The following FGGY variants were observed in gnomAD, a reference collection of about 807,000 sequenced individuals.
The protein encoded by FGGY is FGGY carbohydrate kinase domain-containing protein.
Under a neutral mutation model 71.3 loss-of-function variants are expected in FGGY, and 72 were observed. That is an observed-to-expected ratio of 1.01 (90% CI 0.84 to 1.23). The LOEUF (loss-of-function observed/expected upper bound fraction) is 1.23. FGGY is among the 50% of genes most tolerant of loss of function. The pLI, the probability that FGGY is intolerant of heterozygous loss-of-function variation, is 0.00. For missense variants in FGGY, 668 were observed against 682.3 expected, an observed-to-expected ratio of 0.98 and a Z score of 0.23; for synonymous variants, 251 against 250.3, an observed-to-expected ratio of 1.00 and a Z score of -0.02.
At chr1:59,467,525 C>A (rs981474767) in intron 6 of FGGY, among the ~76,000 whole-genome samples, 1 of 151,764 alleles carries the variant, frequency 6.6e-6, no homozygotes, top group Non-Finnish European at 1.5e-5. Context: ...ACCTATTATA[C>A]TTTTCCCTTC....
intron 8 of FGGY, among the ~76,000 whole-genome samples, chr1:59,583,837 C>A (rs754136146): frequency 1.4e-5 from 2 of 142,096 alleles, no homozygotes; most frequent in Non-Finnish European, 3.0e-5. Flanking sequence ...CAACTGGAGA[C>A]CCTCAAGATG....
At chr1:59,586,194 T>A (rs2096282990) in intron 8 of FGGY, among the ~76,000 whole-genome samples, 1 of 152,162 alleles carries the variant, frequency 6.6e-6, no homozygotes, top group Non-Finnish European at 1.5e-5. Context: ...CATGCTACTA[T>A]AAAGACACAT....
intron 2 of FGGY, chr1:59,331,892 C>T (rs1049384302): frequency 6.6e-6 from 1 of 152,358 alleles, no homozygotes; most frequent in Admixed American, 6.5e-5. Flanking sequence ...CCTCGCACGC[C>T]CCCAAAGCTG....
chr1:59,747,328 C>T (rs772449175), intron 14 of FGGY, among the ~76,000 whole-genome samples: 2 of 152,210 alleles, frequency 1.3e-5, no homozygotes, highest in Non-Finnish European at 2.9e-5. Context: ...ATTAGGACCC[C>T]ATCTCAGAGT....
chr1:59,673,757 A>T lies in FGGY; in HGVS notation c.1418-282A>T, dbSNP rs879693811. ...GAACTTGAATCAAATGGCAGGTAGC[A>T]GCTTGCAGAAGCCTGAAAAACCTGG... On this transcript the variant is annotated intron_variant, in intron 13 of 15. Coordinates refer to ENST00000303721, the MANE Select transcript of FGGY (RefSeq NM_018291.5). The T allele has an allele frequency of 2.0e-4, 69 of 346,066 alleles. 2 individuals are homozygous for T. The East Asian group carries it at 2.5e-3, about 12-fold the overall frequency. The allele number at this position is 346,066 out of a possible 1,614,324, so 21.4% of individuals were successfully genotyped here. A position where few individuals can be genotyped will look rare whatever the true frequency, so the allele number is the denominator to read the frequency against.
rs1386545265 is a variant in FGGY at position 59,674,103 on chromosome 1, C to T, written c.1482C>T (p.Ala494=). The T allele has an allele frequency of 6.8e-6, 11 of 1,613,976 alleles. No homozygotes were observed. In the South Asian group the frequency reaches 8.8e-5, roughly 13 times the overall value. Residue 494 remains alanine (A), a synonymous_variant, in exon 14 of 16, where the codon GCC becomes GCT. Coordinates refer to ENST00000303721, the MANE Select transcript of FGGY (RefSeq NM_018291.5). ...SVLVGAAVLG[A]CASGDFASVQ... ...TTGTGGGTGCTGCTGTTCTGGGTGCCTGTGCCTCAGGGGATTTCGCTTCTG... is the reference window on the plus strand; with the variant it reads ...TTGTGGGTGCTGCTGTTCTGGGTGCTTGTGCCTCAGGGGATTTCGCTTCTG...
chr1:59,696,986 C>T (rs2097665468), intron 14 of FGGY, among the ~76,000 whole-genome samples: 1 of 57,738 alleles, frequency 1.7e-5, no homozygotes, highest in African/African-American at 4.9e-5. Flanking sequence ...TGTAAAATTA[C>T]ATGAAAAAAA....
intron 7 of FGGY, among the ~76,000 whole-genome samples, chr1:59,546,368 T>C (rs1032255456): frequency 8.0e-6 from 1 of 125,738 alleles, no homozygotes; most frequent in Non-Finnish European, 1.6e-5. Context: ...AATGTCTGTT[T>C]ACATCTCATG....
intron 14 of FGGY, among the ~76,000 whole-genome samples, chr1:59,688,990 T>C (rs544919918): frequency 4.5e-4 from 69 of 152,270 alleles, no homozygotes; most frequent in African/African-American, 1.5e-3. Context: ...CCTCAGGTGA[T>C]CTGCCCACCT....
intron 7 of FGGY, among the ~76,000 whole-genome samples, chr1:59,546,592 C>T (rs1355228246): frequency 2.6e-5 from 4 of 151,854 alleles, no homozygotes; most frequent in South Asian, 2.1e-4. Flanking sequence ...TGCAATGGCG[C>T]GATCTCGGCT....
chr1:59,610,901 A>G (rs1285467587), intron 9 of FGGY, among the ~76,000 whole-genome samples: 1 of 152,244 alleles, frequency 6.6e-6, no homozygotes, highest in Non-Finnish European at 1.5e-5. Context: ...ACGCCCACAG[A>G]GCCTTGCTCA....
chr1:59,590,389 A>C (rs1474265866), intron 8 of FGGY, among the ~76,000 whole-genome samples: 1 of 152,224 alleles, frequency 6.6e-6, no homozygotes, highest in African/African-American at 2.4e-5. Context: ...TTCCTTCTGA[A>C]ACTATTCCAA....
chr1:59,737,300 C>T (rs549186050), intron 14 of FGGY, among the ~76,000 whole-genome samples: 14 of 152,288 alleles, frequency 9.2e-5, no homozygotes, highest in Admixed American at 2.0e-4. Flanking sequence ...ACTGGGGCAC[C>T]GTCTAGTGGA....
intron 2 of FGGY, among the ~76,000 whole-genome samples, chr1:59,326,133 G>T (rs145403692): frequency 5.9e-5 from 9 of 152,350 alleles, no homozygotes; most frequent in African/African-American, 2.2e-4. Context: ...ACAGGTGTTT[G>T]TTGAGTATCA....
chr1:59,308,389 A>G (rs563403798), intron 1 of FGGY, among the ~76,000 whole-genome samples: 3 of 152,198 alleles, frequency 2.0e-5, no homozygotes. Context: ...CTTCCTTCCT[A>G]TTACTGTAAT....
At chr1:59,566,270 T>G (rs1243432334) in intron 8 of FGGY, among the ~76,000 whole-genome samples, 1 of 152,194 alleles carries the variant, frequency 6.6e-6, no homozygotes, top group African/African-American at 2.4e-5. Context: ...AGTGCCTGCA[T>G]GCATGAGCTC....
intron 3 of FGGY, among the ~76,000 whole-genome samples, chr1:59,342,673 T>G (rs759575720): frequency 2.0e-5 from 3 of 152,128 alleles, no homozygotes; most frequent in Non-Finnish European, 4.4e-5. Context: ...CTTTAGAGAC[T>G]CCTACCTGCA....
chr1:59,546,535 G>GATTATT (rs747576612), intron 7 of FGGY, among the ~76,000 whole-genome samples: 38 of 129,336 alleles, frequency 2.9e-4, no homozygotes, highest in East Asian at 7.6e-4. Context: ...TGATGATGAT[G>GATTATT]ATTATTATTA....
chr1:59,507,165 AG>A (rs1414645311), intron 6 of FGGY, among the ~76,000 whole-genome samples: 1 of 152,238 alleles, frequency 6.6e-6, no homozygotes, highest in East Asian at 1.9e-4. Context: ...AGTAAAGTAC[AG>A]AAACAGCTGG....
Sources: allele counts gnomAD v4.1 joint callset (sites outside exome capture counted in the v4.1 genomes callset), GRCh38; gene constraint gnomAD v4.1.1; transcripts MANE v1.5; gene names NCBI Gene and HGNC (gene_info 2026-07-23, HGNC 2026-07-21).